HSBP1L1: variants seen among roughly 807,000 people sequenced by gnomAD.
HSBP1L1 encodes heat shock factor-binding protein 1-like protein 1.
HSBP1L1 carries 8 observed loss-of-function variants against 9.7 expected under a neutral mutation model. That is an observed-to-expected ratio of 0.82 (90% confidence interval 0.48 to 1.48). The LOEUF is 1.48. Among genes scored for constraint, HSBP1L1 ranks in the 40% most tolerant of loss-of-function variants. The probability of loss-of-function intolerance (pLI) is 0.00; values close to 1 mark genes in which losing one functional copy is unlikely to be tolerated. For synonymous variants in HSBP1L1, 39 were observed against 34.4 expected, an observed-to-expected ratio of 1.13 and a Z score of -0.46; for missense variants, 106 against 95.8, an observed-to-expected ratio of 1.11 and a Z score of -0.44.
chr18:79,966,767 G>A (rs1241082696), intron 2 of HSBP1L1, 89 bp downstream of exon 2: 9 of 936,046 alleles, frequency 9.6e-6, no homozygotes, highest in Non-Finnish European at 1.5e-5. Context: ...GTAGTAGTAG[G>A]TAATAGTTTA....
intron 1 of HSBP1L1, 60 bp from the exon 2 acceptor site, chr18:79,966,552 A>C: frequency 7.5e-7 from 1 of 1,335,688 alleles, no homozygotes; most frequent in Non-Finnish European, 1.0e-6. Context: ...CAGAAAAAAA[A>C]AAAAACTCAT....
rs1335922816 is a variant in HSBP1L1 at position 79,969,343 on chromosome 18, G to GAA, written c.214-1095_214-1094dup. Among the ~76,000 whole-genome samples, 47 of 26,866 alleles carry GAA rather than the reference G, an allele frequency of 1.7e-3. 2 individuals are homozygous for GAA. The East Asian group carries it at 0.077, about 44-fold the overall frequency. The allele number at this position is 26,866 out of a possible 152,430, so 17.6% of individuals were successfully genotyped here. ...AAAGAAAGAAAGAAAAAGAAAGAAA[G>GAA]AAAGAAAGAAAGAAAGAAAGAAAGA... On this transcript the variant is annotated intron_variant, in intron 3 of 3. Coordinates refer to ENST00000451882, the MANE Select transcript of HSBP1L1 (RefSeq NM_001136180.2).
intron 3 of HSBP1L1, among the ~76,000 whole-genome samples, chr18:79,968,410 T>C (rs1473619326): frequency 3.3e-5 from 5 of 152,146 alleles, no homozygotes; most frequent in African/African-American, 1.2e-4. Context: ...CACTGCAAAC[T>C]CCACCTCCCG....
At chr18:79,968,294 C>T in intron 3 of HSBP1L1, 111 bp downstream of exon 3, 1 of 654,962 alleles carries the variant, frequency 1.5e-6, no homozygotes, top group South Asian at 1.9e-5. Flanking sequence ...CTCTGTGCTG[C>T]ATGAAAACTG....
At chr18:79,969,392 A>AG (rs1491187568) in intron 3 of HSBP1L1, among the ~76,000 whole-genome samples, 1 of 70,386 alleles carries the variant, frequency 1.4e-5, no homozygotes, top group African/African-American at 4.7e-5. Flanking sequence ...AGAAAGAAAG[A>AG]AAAAAAAACG....
chr18:79,969,107 T>A (rs1485476938), intron 3 of HSBP1L1, among the ~76,000 whole-genome samples: 1 of 148,458 alleles, frequency 6.7e-6, no homozygotes, highest in Non-Finnish European at 1.5e-5. Context: ...GAGAATGCCG[T>A]GAACCCGGGA....
In HSBP1L1 at chr18:79,969,670, C is replaced by A. The variant is rs542539689; in HGVS notation, c.214-770C>A. ...CCTAACCAAGTTTCCTGCAGACACA[C>A]TGGCATCATAACCTTCAGACGTTTA... On this transcript the variant is annotated intron_variant, in intron 3 of 3. Transcript: ENST00000451882. Among the ~76,000 whole-genome samples, 192 of 152,302 alleles carry A rather than the reference C, an allele frequency of 1.3e-3. 2 individuals are homozygous for A. Among genetic ancestry groups the A allele is most frequent in the Admixed American group, 3.9e-3 (60 of 15,302 alleles).
chr18:79,969,329 GAAAAAGAAAGAA>G (rs2051278253), intron 3 of HSBP1L1, among the ~76,000 whole-genome samples: 1 of 75,720 alleles, frequency 1.3e-5, no homozygotes, highest in African/African-American at 5.3e-5. Context: ...AAGAAAGAAA[GAAAAAGAAAGAA>G]AGAAAGAAAG....
Position 79,970,818 on chromosome 18 carries a change from T to G in HSBP1L1, c.*367T>G. 1 of 210,164 alleles carries G rather than the reference T, an allele frequency of 4.8e-6. No homozygotes were observed. Among genetic ancestry groups the G allele is most frequent in the East Asian group, 9.4e-5 (1 of 10,636 alleles). The allele number at this position is 210,164 out of a possible 1,614,324, so 13.0% of individuals were successfully genotyped here. A position where few individuals can be genotyped will look rare whatever the true frequency, so the allele number is the denominator to read the frequency against. The stretch of plus-strand genomic sequence containing the variant: ...ATACAATAAACTTACAAATGTGGAA[T>G]GTAATTATTTTATCTTTTTCTGGTA... On this transcript the variant is annotated 3_prime_UTR_variant, in exon 4 of 4. Transcript: ENST00000451882.
chr18:79,970,155 C>T (rs1180992312), intron 3 of HSBP1L1: 2 of 362,324 alleles, frequency 5.5e-6, no homozygotes, highest in African/African-American at 2.0e-5. Flanking sequence ...CTGTTGCTGG[C>T]TGTAACCTGG....
In HSBP1L1 at chr18:79,964,766, G is replaced by C. The variant is rs1198725300; in HGVS notation, c.31G>C (p.Gly11Arg). Reference sequence around the variant, plus strand: ...CGTGCGGGGCCCTGAAGCCCCCGGCGGGCGCGCGCTGCGGGACGCGGTGAG... The same window carrying C: ...CGTGCGGGGCCCTGAAGCCCCCGGCCGGCGCGCGCTGCGGGACGCGGTGAG... Reference protein sequence around the residue: MDVRGPEAPGGRALRDAAENL... With the variant: MDVRGPEAPGRRALRDAAENL... The change falls in exon 1 of 4, where the codon GGG becomes CGG. Residue 11 changes from glycine to arginine, a missense_variant. By Grantham distance (125) the Gly-to-Arg change is moderately radical. Coordinates refer to ENST00000451882, the MANE Select transcript of HSBP1L1 (RefSeq NM_001136180.2). 7.1e-7 allele frequency: 1 copy of C among 1,408,996 alleles called. No individual in the cohort carries two copies. Among genetic ancestry groups the C allele is most frequent in the East Asian group, 3.1e-5 (1 of 32,648 alleles). The allele number at this position is 1,408,996 out of a possible 1,614,324, so 87.3% of individuals were successfully genotyped here.
At chr18:79,969,378 AG>A (rs1386770957) in intron 3 of HSBP1L1, among the ~76,000 whole-genome samples, 16 of 51,702 alleles carry the variant, frequency 3.1e-4, no homozygotes, top group African/African-American at 5.5e-4. Context: ...AAAGAAAGAA[AG>A]AAAGAAAGAA....
rs1287004328 is a variant in HSBP1L1, at chr18:79,969,249, GGAGA to G, written c.213+1076_213+1079del. Among the ~76,000 whole-genome samples the G allele has an allele frequency of 8.7e-4, 41 of 46,976 alleles. 2 individuals are homozygous for G. Among genetic ancestry groups the G allele is most frequent in the Middle Eastern group, 0.016 (2 of 126 alleles). 30.8% of individuals were successfully genotyped at this position (46,976 alleles called of 152,430 possible). A position where few individuals can be genotyped will look rare whatever the true frequency, so the allele number is the denominator to read the frequency against. On this transcript the variant is annotated intron_variant, in intron 3 of 3. Transcript: ENST00000451882. ...GAGGAGAGAGAGGAGAGAGAGGAGAGGAGAGAGAGAGAGGGAGGGAGGGAGGGAG... is the reference window on the plus strand; with the variant it reads ...GAGGAGAGAGAGGAGAGAGAGGAGAGGAGAGAGAGGGAGGGAGGGAGGGAG...
chr18:79,966,659 G>A lies in HSBP1L1; in HGVS notation c.99G>A (p.Thr33=), dbSNP rs535972689. Residue 33 remains threonine (T), a synonymous_variant, in exon 2 of 4, where the codon ACG becomes ACA. Coordinates refer to ENST00000451882, the MANE Select transcript of HSBP1L1 (RefSeq NM_001136180.2). The stretch of plus-strand genomic sequence containing the variant: ...TTCAGGAACATTTTCAAGCTCTGAC[G>A]GCAACATTAAACCTCAGAAATATCC... ...QELQEHFQAL[T]ATLNLRMEEM... is the part of the protein sequence containing the mutation. 44 of 1,549,488 alleles carry A rather than the reference G, an allele frequency of 2.8e-5. 1 individual carries two copies. Among genetic ancestry groups the A allele is most frequent in the South Asian group, 1.3e-4 (11 of 83,804 alleles).
intron 1 of HSBP1L1, among the ~76,000 whole-genome samples, chr18:79,965,101 G>A (rs949527163): frequency 9.1e-5 from 13 of 142,666 alleles, no homozygotes; most frequent in African/African-American, 2.8e-4. Flanking sequence ...CTGAGGTCCT[G>A]GGGGGAGCCC....
Position 79,968,096 on chromosome 18 carries a change from A to C in HSBP1L1, c.126A>C (p.Glu42Asp). 1 of 1,548,004 alleles carries C rather than the reference A, an allele frequency of 6.5e-7. No homozygotes were observed. Among genetic ancestry groups the C allele is most frequent in the Non-Finnish European group, 8.7e-7 (1 of 1,143,776 alleles). ...AGCGCCTTAACACTGTACTGGAAGA[A>C]ATGGGAAATCGCATTGAGGACTTAC... ...LTATLNLRME[E>D]MGNRIEDLQK... Residue 42 changes from glutamate to aspartate, a missense_variant, in exon 3 of 4, where the codon GAA (glutamate) becomes GAC (aspartate). By Grantham distance (45) the Glu-to-Asp change is conservative. Coordinates refer to ENST00000451882, the MANE Select transcript of HSBP1L1 (RefSeq NM_001136180.2).
At chr18:79,968,269 T>C (rs2051267735) in intron 3 of HSBP1L1, 86 bp downstream of exon 3, 2 of 783,884 alleles carry the variant, frequency 2.6e-6, no homozygotes, top group Non-Finnish European at 4.2e-6. Context: ...ATTTGTTCAC[T>C]ATGGGAATTG....
rs903379158 is a variant in HSBP1L1, at chr18:79,966,506, G to A, written c.52-106G>A. On this transcript the variant is annotated intron_variant, in intron 1 of 3. Transcript: ENST00000451882. ...TGTAGTGAGCTGAGATCGCGCCATT[G>A]CACTCCAGCCTGGGCAACAAAACAA... The A allele has an allele frequency of 1.7e-5, 13 of 743,266 alleles. No individual in the cohort carries two copies. The African/African-American group carries it at 2.3e-4, about 13-fold the overall frequency. The allele number at this position is 743,266 out of a possible 1,614,324, so 46.0% of individuals were successfully genotyped here.
chr18:79,966,211 G>A (rs1250398572), intron 1 of HSBP1L1, among the ~76,000 whole-genome samples: 2 of 152,016 alleles, frequency 1.3e-5, no homozygotes, highest in African/African-American at 2.4e-5. Context: ...GATTACAGGC[G>A]TGAGCCACCG....
Sources: gnomAD v4.1 joint callset for allele counts (sites outside exome capture counted in the v4.1 genomes callset) on GRCh38, gnomAD v4.1.1 for gene constraint, MANE v1.5 for transcripts, NCBI Gene and HGNC (gene_info 2026-07-23, HGNC 2026-07-21) for gene names.